The following TBC1D1 variants were observed in gnomAD, a reference collection of about 807,000 sequenced individuals.
TBC1D1 encodes the protein TBC1 domain family member 1.
TBC1D1 carries 89 observed loss-of-function variants against 125.6 expected under a neutral mutation model. That is an observed-to-expected ratio of 0.71 (90% CI 0.60 to 0.85). The LOEUF is 0.85. Among genes scored for constraint, TBC1D1 ranks in the 40% least tolerant of loss-of-function variants. The pLI, the probability that TBC1D1 is intolerant of heterozygous loss-of-function variation, is 0.00. For synonymous variants in TBC1D1, 565 were observed against 564.1 expected (o/e 1.00, Z -0.02); for missense variants, 1,377 against 1,469.2 (o/e 0.94, Z 1.03).
At chr4:37,955,588 A>G (rs1728770991) in intron 2 of TBC1D1, among the ~76,000 whole-genome samples, 1 of 152,212 alleles carries the variant, frequency 6.6e-6, no homozygotes, top group South Asian at 2.1e-4. Context: ...TACAGACACA[A>G]CCATCCTTTG....
At chr4:37,980,651 A>G (rs973642261) in intron 2 of TBC1D1, among the ~76,000 whole-genome samples, 7 of 152,248 alleles carry the variant, frequency 4.6e-5, no homozygotes, top group African/African-American at 1.2e-4. Context: ...AGAACTAAAT[A>G]TAGCCAAGTT....
At chr4:37,920,997 C>T (rs1410905389) in intron 2 of TBC1D1, among the ~76,000 whole-genome samples, 1 of 151,244 alleles carries the variant, frequency 6.6e-6, no homozygotes, top group Non-Finnish European at 1.5e-5. Flanking sequence ...GTAGTCCCAG[C>T]TACTCAGGAG....
chr4:38,020,882 A>G (rs548629847), intron 5 of TBC1D1, 187 bp downstream of exon 5: 7 of 439,202 alleles, frequency 1.6e-5, no homozygotes, highest in African/African-American at 6.0e-5. Flanking sequence ...TGTGCATTTT[A>G]TATTTTTTAT....
intron 3 of TBC1D1, among the ~76,000 whole-genome samples, chr4:38,016,422 C>T (rs994821484): frequency 6.6e-5 from 10 of 152,196 alleles, no homozygotes; most frequent in Non-Finnish European, 8.8e-5. Flanking sequence ...CGAGTTGTCA[C>T]GGTCTTACCT....
Position 37,981,205 on chromosome 4 carries a change from AGTGTTGGGATTACAG to A in TBC1D1, c.418-33299_418-33285del, listed in dbSNP as rs1734276675. Among the ~76,000 whole-genome samples, 4 of 152,260 alleles carry A rather than the reference AGTGTTGGGATTACAG, an allele frequency of 2.6e-5. No homozygotes were observed. The East Asian group carries it at 7.7e-4, about 29-fold the overall frequency. Reference sequence around the variant, plus strand: ...TGATCTGCCCACCTCCGCCTCCCAAAGTGTTGGGATTACAGGTGTGAGCCATTGCATCCAGCCCAC... The same window carrying A: ...TGATCTGCCCACCTCCGCCTCCCAAAGTGTGAGCCATTGCATCCAGCCCAC... On this transcript the variant is annotated intron_variant, in intron 2 of 19. Transcript: ENST00000261439.
At chr4:38,097,433 G>A (rs533442064) in intron 14 of TBC1D1, among the ~76,000 whole-genome samples, 45 of 149,938 alleles carry the variant, frequency 3.0e-4, no homozygotes, top group African/African-American at 9.3e-4. Context: ...TCTGCCTCCC[G>A]GGTTCACACC....
At chr4:37,986,966 G>A (rs1157994640) in intron 2 of TBC1D1, among the ~76,000 whole-genome samples, 2 of 152,170 alleles carry the variant, frequency 1.3e-5, no homozygotes, top group Non-Finnish European at 2.9e-5. Context: ...AATGTCTAAT[G>A]TGGCTGTTTA....
Position 38,049,879 on chromosome 4 carries a change from G to C in TBC1D1, c.1891G>C (p.Glu631Gln). 6.2e-7 allele frequency: 1 copy of C among 1,609,952 alleles called. No individual in the cohort carries two copies. Among genetic ancestry groups the C allele is most frequent in the South Asian group, 1.1e-5 (1 of 90,666 alleles). The change falls in exon 11 of 20, where the codon GAG becomes CAG. Residue 631 changes from glutamate (E) to glutamine (Q), a missense_variant. Glu to Gln is a conservative substitution (Grantham distance 29). Transcript: ENST00000261439. Reference sequence around the variant, plus strand: ...TATGAGGTATCACTCAGTGAGCACAGAGACGCCTCATGAACGAAAGTAAGA... The same window carrying C: ...TATGAGGTATCACTCAGTGAGCACACAGACGCCTCATGAACGAAAGTAAGA...
chr4:38,132,505 G>A (rs536704629), intron 18 of TBC1D1, among the ~76,000 whole-genome samples: 4 of 152,302 alleles, frequency 2.6e-5, no homozygotes, highest in South Asian at 2.1e-4. Context: ...CTCAGGCATC[G>A]TTTCGTATTC....
chr4:38,125,215 C>A, intron 18 of TBC1D1, 84 bp downstream of exon 20: 1 of 1,383,868 alleles, frequency 7.2e-7, no homozygotes, highest in Non-Finnish European at 1.0e-6. Flanking sequence ...GGAACTGTTT[C>A]CTACCACTTT....
intron 12 of TBC1D1, among the ~76,000 whole-genome samples, chr4:38,077,148 C>T (rs1305897613): frequency 6.6e-6 from 1 of 152,180 alleles, no homozygotes; most frequent in Non-Finnish European, 1.5e-5. Context: ...GGTAAGATAT[C>T]CCTGCCTCTG....
At chr4:38,020,736 A>G in intron 5 of TBC1D1, 41 bp downstream of exon 5, 1 of 1,558,644 alleles carries the variant, frequency 6.4e-7, no homozygotes, top group South Asian at 1.1e-5. Context: ...AACCTTCTTT[A>G]CAAGGAATTT....
chr4:38,108,192 A>G (rs1289971340), intron 15 of TBC1D1, among the ~76,000 whole-genome samples: 1 of 152,164 alleles, frequency 6.6e-6, no homozygotes, highest in Non-Finnish European at 1.5e-5. Context: ...CGTCCTGACC[A>G]CGCTGGGGGC....
intron 15 of TBC1D1, chr4:38,110,597 A>G: frequency 1.0e-6 from 1 of 985,380 alleles, no homozygotes; most frequent in Non-Finnish European, 1.2e-6. Flanking sequence ...CACAAGACAC[A>G]TCGAATGTCT....
In TBC1D1 at chr4:38,103,170, C is replaced by A; in HGVS notation, c.2557+13C>A. The A allele has an allele frequency of 5.0e-6, 8 of 1,599,230 alleles. No individual in the cohort carries two copies. Among genetic ancestry groups the A allele is most frequent in the Non-Finnish European group, 6.8e-6 (8 of 1,173,648 alleles). On this transcript the variant is annotated intron_variant, in intron 15 of 19. Transcript: ENST00000261439. The stretch of plus-strand genomic sequence containing the variant: ...CTTATTGACCTTGGTAAGTCTGTGC[C>A]ATCGATTGGAGATGACAATGGAAGT...
At chr4:37,958,728 C>T (rs971163171) in intron 2 of TBC1D1, among the ~76,000 whole-genome samples, 1 of 152,136 alleles carries the variant, frequency 6.6e-6, no homozygotes, top group Non-Finnish European at 1.5e-5. Flanking sequence ...ATGAATGTGT[C>T]GGAAGAGTTG....
At chr4:38,094,461 G>T (rs1339214116) in intron 13 of TBC1D1, among the ~76,000 whole-genome samples, 1 of 152,160 alleles carries the variant, frequency 6.6e-6, no homozygotes, top group Non-Finnish European at 1.5e-5. Context: ...CGAACAGCTG[G>T]TTCCTGTATC....
intron 2 of TBC1D1, among the ~76,000 whole-genome samples, chr4:38,011,490 A>G (rs997297944): frequency 6.6e-6 from 1 of 152,236 alleles, no homozygotes; most frequent in African/African-American, 2.4e-5. Flanking sequence ...AACTTAAAGT[A>G]ATGTTTAAAT....
intron 12 of TBC1D1, among the ~76,000 whole-genome samples, chr4:38,066,695 T>G (rs1753791868): frequency 6.6e-6 from 1 of 152,102 alleles, no homozygotes; most frequent in Non-Finnish European, 1.5e-5. Context: ...ATGCCCCCCC[T>G]GGAGGGGAGC....
Sources: allele counts gnomAD v4.1 joint callset (sites outside exome capture counted in the v4.1 genomes callset), GRCh38; gene constraint gnomAD v4.1.1; transcripts MANE v1.5; gene names NCBI Gene and HGNC (gene_info 2026-07-23, HGNC 2026-07-21).